AMBRA1: variants seen among roughly 807,000 people sequenced by gnomAD.
AMBRA1 encodes the protein autophagy and beclin 1 regulator 1.
AMBRA1 carries 47 observed loss-of-function variants against 125.4 expected under a neutral mutation model. The ratio of observed to expected loss-of-function variants is 0.37; its 90% CI spans 0.30 to 0.48. AMBRA1 has a LOEUF of 0.48. Among genes scored for constraint, AMBRA1 ranks in the 20% least tolerant of loss-of-function variants. The probability of loss-of-function intolerance (pLI) is 0.99; values close to 1 mark genes in which losing one functional copy is unlikely to be tolerated. For synonymous variants in AMBRA1, 626 were observed against 655.5 expected, an observed-to-expected ratio of 0.95 and a Z score of 0.69; for missense variants, 1,331 against 1,693.4, an observed-to-expected ratio of 0.79 and a Z score of 3.76.
chr11:46,444,228 T>C (rs888459146), intron 11 of AMBRA1, among the ~76,000 whole-genome samples: 5 of 152,232 alleles, frequency 3.3e-5, no homozygotes, highest in African/African-American at 1.2e-4. Flanking sequence ...CCTCACTTTG[T>C]AGCATCAGAA....
At position 46,493,684 on chromosome 11, in the gene AMBRA1, C is replaced by T; in HGVS notation, c.2445G>A (p.Leu815=). Residue 815 remains leucine, a synonymous_variant, in exon 11 of 18, where the codon TTG becomes TTA. Coordinates refer to ENST00000683756, the MANE Select transcript of AMBRA1 (RefSeq NM_001387011.1). ...GTTCATGAAAAATCCCAGCATAAGG[C>T]AAGTACTCAGGCAGCAAGAAACGCC... ...VPRRFLLPEY[L]PYAGIFHERG... 6 of 1,600,306 alleles carry T rather than the reference C, an allele frequency of 3.7e-6. No individual in the cohort carries two copies. Among genetic ancestry groups the T allele is most frequent in the East Asian group, 2.3e-5 (1 of 44,172 alleles).
chr11:46,547,379 T>C (rs1386141766), intron 3 of AMBRA1, 83 bp from the exon 4 acceptor site: 1 of 1,204,344 alleles, frequency 8.3e-7, no homozygotes, highest in Non-Finnish European at 1.2e-6. Context: ...CATAGAATAT[T>C]GATGCTACCT....
At chr11:46,441,499 G>A (rs1257047790) in intron 12 of AMBRA1, among the ~76,000 whole-genome samples, 2 of 151,878 alleles carry the variant, frequency 1.3e-5, no homozygotes, top group Admixed American at 1.3e-4. Flanking sequence ...TGGTGACAGA[G>A]CAAGACTCTG....
At chr11:46,403,207 G>C (rs1413636440) in intron 17 of AMBRA1, among the ~76,000 whole-genome samples, 1 of 152,234 alleles carries the variant, frequency 6.6e-6, no homozygotes, top group Non-Finnish European at 1.5e-5. Flanking sequence ...TTTAATTCTA[G>C]AGATTTCATT....
chr11:46,497,182 T>C (rs556877518), intron 9 of AMBRA1, among the ~76,000 whole-genome samples: 2 of 152,000 alleles, frequency 1.3e-5, no homozygotes, highest in African/African-American at 2.4e-5. Context: ...ATAAATTTTA[T>C]GTTATGTGTA....
intron 9 of AMBRA1, among the ~76,000 whole-genome samples, chr11:46,502,483 T>C (rs1053049145): frequency 8.5e-5 from 13 of 152,224 alleles, no homozygotes; most frequent in Admixed American, 7.2e-4. Context: ...CTGACGATTT[T>C]ACTTGCCAAA....
intron 11 of AMBRA1, among the ~76,000 whole-genome samples, chr11:46,445,108 T>C (rs1360598721): frequency 6.6e-6 from 1 of 151,144 alleles, no homozygotes; most frequent in African/African-American, 2.4e-5. Context: ...AGTGTAATCA[T>C]TTGTTCCCCT....
At chr11:46,503,738 C>G (rs1009656112) in intron 9 of AMBRA1, among the ~76,000 whole-genome samples, 1 of 152,152 alleles carries the variant, frequency 6.6e-6, no homozygotes, top group Non-Finnish European at 1.5e-5. Context: ...AATTAACAGA[C>G]CTAAAGAGAA....
At chr11:46,429,255 T>C in intron 14 of AMBRA1, 2 of 930,734 alleles carry the variant, frequency 2.1e-6, no homozygotes, top group Non-Finnish European at 3.3e-6. Context: ...CCAGCCCCTA[T>C]CGCTACTCAG....
In AMBRA1 at chr11:46,568,286, C is replaced by T. The variant is rs183064431; in HGVS notation, c.-120-19786G>A. 2.7e-3 allele frequency among the ~76,000 whole-genome samples: 403 copies of T among 151,772 alleles called. 2 individuals carry two copies. Among genetic ancestry groups the T allele is most frequent in the African/African-American group, 9.4e-3 (389 of 41,376 alleles). The stretch of plus-strand genomic sequence containing the variant: ...CAGCCTGGCCAACGTGGTGAAACCC[C>T]GTCTCTACTAAAAATACAAAAATTA... On this transcript the variant is annotated intron_variant, in intron 1 of 17. Coordinates refer to ENST00000683756, the MANE Select transcript of AMBRA1 (RefSeq NM_001387011.1).
At chr11:46,528,806 T>C (rs1367711744) in intron 7 of AMBRA1, among the ~76,000 whole-genome samples, 1 of 152,144 alleles carries the variant, frequency 6.6e-6, no homozygotes. Context: ...AAGGGTTACA[T>C]GTGCCAACAG....
chr11:46,461,233 A>G (rs1269563889), intron 11 of AMBRA1, among the ~76,000 whole-genome samples: 1 of 152,204 alleles, frequency 6.6e-6, no homozygotes, highest in Non-Finnish European at 1.5e-5. Flanking sequence ...ACAGAGGAAG[A>G]CCCTGACTGG....
At chr11:46,476,224 C>T (rs956318775) in intron 11 of AMBRA1, among the ~76,000 whole-genome samples, 7 of 152,172 alleles carry the variant, frequency 4.6e-5, no homozygotes, top group Non-Finnish European at 1.0e-4. Flanking sequence ...CTCCAAATCC[C>T]ATGGCCAATT....
intron 17 of AMBRA1, among the ~76,000 whole-genome samples, chr11:46,407,099 A>G (rs977887235): frequency 1.8e-4 from 28 of 152,168 alleles, no homozygotes; most frequent in Non-Finnish European, 1.3e-4. Context: ...GAATCACTTG[A>G]ACTCGGGAAG....
At chr11:46,538,382 A>G (rs937227604) in intron 7 of AMBRA1, among the ~76,000 whole-genome samples, 3 of 152,244 alleles carry the variant, frequency 2.0e-5, no homozygotes, top group Non-Finnish European at 2.9e-5. Context: ...CAGGGACTTC[A>G]TTTTTATAAT....
Position 46,553,066 on chromosome 11 carries a change from C to T in AMBRA1, c.-120-4566G>A, listed in dbSNP as rs566911551. ...GTTCAGGTAATTCTGTTTCAGCCTC[C>T]CGAGTAGCTGGGACTACAGGCGCCT... On this transcript the variant is annotated intron_variant, in intron 1 of 17. Coordinates refer to ENST00000683756, the MANE Select transcript of AMBRA1 (RefSeq NM_001387011.1). 4.6e-5 allele frequency among the ~76,000 whole-genome samples: 7 copies of T among 151,958 alleles called. No homozygotes were observed. In the East Asian group the frequency reaches 9.8e-4, roughly 21 times the overall value.
intron 11 of AMBRA1, among the ~76,000 whole-genome samples, chr11:46,483,069 A>G (rs540233171): frequency 7.2e-5 from 11 of 152,052 alleles, no homozygotes; most frequent in Non-Finnish European, 1.5e-4. Context: ...AGGCATCCCT[A>G]AAGAATGTAG....
At chr11:46,550,914 G>A (rs1486883226) in intron 1 of AMBRA1, among the ~76,000 whole-genome samples, 1 of 144,650 alleles carries the variant, frequency 6.9e-6, no homozygotes, top group Non-Finnish European at 1.5e-5. Flanking sequence ...GTGAAACCGC[G>A]TCTCTACTAA....
chr11:46,538,055 C>G (rs1011666379), intron 7 of AMBRA1, among the ~76,000 whole-genome samples: 1 of 152,206 alleles, frequency 6.6e-6, no homozygotes, highest in African/African-American at 2.4e-5. Flanking sequence ...GGCTCATCAC[C>G]TAGAGACTTT....
Sources: gnomAD v4.1 joint callset for allele counts (sites outside exome capture counted in the v4.1 genomes callset) on GRCh38, gnomAD v4.1.1 for gene constraint, MANE v1.5 for transcripts, NCBI Gene and HGNC (gene_info 2026-07-23, HGNC 2026-07-21) for gene names.